Variants in DISC1 observed in about 807,000 individuals in gnomAD.
The protein encoded by DISC1 is disrupted in schizophrenia 1 protein.
Under a neutral mutation model 84.5 loss-of-function variants are expected in DISC1, and 57 were observed. That is an observed-to-expected ratio of 0.67 (90% CI 0.55 to 0.84). DISC1 has a LOEUF of 0.84. DISC1 is among the 40% of genes least tolerant of loss of function. DISC1 has a pLI of 0.00. For missense variants in DISC1, 1,000 were observed against 1,057.8 expected (o/e 0.95, Z 0.76); for synonymous variants, 411 against 415.2 (o/e 0.99, Z 0.12).
intron 6 of DISC1, among the ~76,000 whole-genome samples, chr1:231,772,375 G>A (rs1178454443): frequency 6.6e-6 from 1 of 152,104 alleles, no homozygotes; most frequent in Non-Finnish European, 1.5e-5. Flanking sequence ...AGGACTGCAA[G>A]TGCTACGTGG....
chr1:231,772,911 G>T (rs2076664508), intron 6 of DISC1, among the ~76,000 whole-genome samples: 1 of 152,156 alleles, frequency 6.6e-6, no homozygotes, highest in African/African-American at 2.4e-5. Flanking sequence ...AGGGGGAAGA[G>T]ATTTGGATTG....
chr1:231,958,847 T>C lies in DISC1; in HGVS notation c.2001T>C (p.Asn667=). ...CCCCAGAAACAAGTGTGAAGGAAAA[T>C]ACTATGAAGTACATGGAAACACTTA... ...ETAYETSVKE[N]TMKYMETLKN... The change falls in exon 10 of 13, where the codon AAT becomes AAC. Residue 667 remains asparagine, a synonymous_variant. Coordinates refer to ENST00000439617, the MANE Select transcript of DISC1 (RefSeq NM_018662.3). 1.2e-6 allele frequency: 2 copies of C among 1,613,728 alleles called. No individual in the cohort carries two copies. Among genetic ancestry groups the C allele is most frequent in the Non-Finnish European group, 1.7e-6 (2 of 1,179,822 alleles).
At chr1:231,860,086 G>C (rs2084541894) in intron 9 of DISC1, among the ~76,000 whole-genome samples, 1 of 152,138 alleles carries the variant, frequency 6.6e-6, no homozygotes, top group African/African-American at 2.4e-5. Flanking sequence ...AATCAAGGGT[G>C]AAAAACTGAG....
chr1:231,930,354 T>C (rs1014030739), intron 9 of DISC1, among the ~76,000 whole-genome samples: 1 of 152,130 alleles, frequency 6.6e-6, no homozygotes, highest in African/African-American at 2.4e-5. Flanking sequence ...CACCCTAACA[T>C]TTCCTGTGCA....
intron 1 of DISC1, among the ~76,000 whole-genome samples, chr1:231,681,103 G>A (rs189055239): frequency 3.9e-5 from 6 of 152,194 alleles, no homozygotes; most frequent in African/African-American, 1.4e-4. Context: ...CACCCTTGAG[G>A]GGGGCTCAGA....
At chr1:231,649,771 T>A (rs560383098) in intron 1 of DISC1, among the ~76,000 whole-genome samples, 1 of 152,340 alleles carries the variant, frequency 6.6e-6, no homozygotes, top group South Asian at 2.1e-4. Context: ...TTTAGGATAG[T>A]TAGCTCTTCT....
chr1:231,766,272 G>A (rs921146013), intron 4 of DISC1, among the ~76,000 whole-genome samples: 2 of 130,140 alleles, frequency 1.5e-5, no homozygotes, highest in Non-Finnish European at 3.2e-5. Context: ...CCTGGGTGTC[G>A]CAGTAAGACA....
At chr1:231,753,885 G>A (rs1028552440) in intron 4 of DISC1, among the ~76,000 whole-genome samples, 50 of 152,134 alleles carry the variant, frequency 3.3e-4, no homozygotes, top group African/African-American at 1.2e-3. Context: ...TTAATCTCAA[G>A]TTCAAAGATC....
chr1:231,948,252 A>G (rs1327881963), intron 9 of DISC1, among the ~76,000 whole-genome samples: 1 of 152,240 alleles, frequency 6.6e-6, no homozygotes, highest in Admixed American at 6.5e-5. Flanking sequence ...TGGCACATAT[A>G]CACCATGGAA....
intron 9 of DISC1, chr1:231,818,810 G>A (rs2081278902): frequency 1.7e-6 from 2 of 1,201,086 alleles, no homozygotes; most frequent in Non-Finnish European, 1.0e-6. Flanking sequence ...CCTTGGCAAG[G>A]TCTTGAGCAT....
chr1:231,893,560 G>A (rs973929571), intron 9 of DISC1, among the ~76,000 whole-genome samples: 17 of 152,292 alleles, frequency 1.1e-4, no homozygotes, highest in East Asian at 3.9e-4. Context: ...GGACTTGTGC[G>A]TCATCTTGTG....
At chr1:231,708,576 A>G (rs1218326870) in intron 3 of DISC1, among the ~76,000 whole-genome samples, 1 of 152,158 alleles carries the variant, frequency 6.6e-6, no homozygotes, top group African/African-American at 2.4e-5. Context: ...TCGTTGCCTG[A>G]TTACATCACG....
chr1:231,989,884 G>A (rs1027720762), intron 10 of DISC1, among the ~76,000 whole-genome samples: 1 of 152,180 alleles, frequency 6.6e-6, no homozygotes, highest in Non-Finnish European at 1.5e-5. Context: ...CTTACCTAAC[G>A]CTGTGCGACT....
chr1:231,827,106 G>A (rs2081908918), intron 9 of DISC1, among the ~76,000 whole-genome samples: 1 of 152,060 alleles, frequency 6.6e-6, no homozygotes, highest in Middle Eastern at 3.2e-3. Flanking sequence ...CTTTGCCTCA[G>A]CCTCCCGAAT....
At chr1:231,868,736 T>TATATATATATATATATATATATA (rs2085246169) in intron 9 of DISC1, among the ~76,000 whole-genome samples, 1 of 108,270 alleles carries the variant, frequency 9.2e-6, no homozygotes. Context: ...ATATATATAT[T>TATATATATATATATATATATATA]TAGCTGGGCA....
Position 231,626,800 on chromosome 1 carries a change from C to T in DISC1, c.-68C>T, listed in dbSNP as rs960797870. On this transcript the variant is annotated 5_prime_UTR_variant, in exon 1 of 13. Coordinates refer to ENST00000439617, the MANE Select transcript of DISC1 (RefSeq NM_018662.3). ...GTCCAGCGCGCTGCTCCCTTCCCCCCGCCTCTGGCCTCGGGGAAGGAGCAG... is the reference window on the plus strand; with the variant it reads ...GTCCAGCGCGCTGCTCCCTTCCCCCTGCCTCTGGCCTCGGGGAAGGAGCAG... 4 of 1,208,026 alleles carry T rather than the reference C, an allele frequency of 3.3e-6. No homozygotes were observed. The highest frequency in any genetic ancestry group is 3.8e-5 in the Admixed American group (1 of 26,536). The allele number at this position is 1,208,026 out of a possible 1,614,324, so 74.8% of individuals were successfully genotyped here. A position where few individuals can be genotyped will look rare whatever the true frequency, so the allele number is the denominator to read the frequency against.
Position 232,039,569 on chromosome 1 carries a change from G to T in DISC1, c.*2738G>T, listed in dbSNP as rs2103077119. ...TTGGTCTTAGAGTATCATTCAGAAA[G>T]TCCGCTAAGGGCCAGCGTGCTTCTT... On this transcript the variant is annotated 3_prime_UTR_variant, in exon 13 of 13. Coordinates refer to ENST00000439617, the MANE Select transcript of DISC1 (RefSeq NM_018662.3). 1 of 152,078 alleles carries T rather than the reference G, an allele frequency of 6.6e-6. No individual in the cohort carries two copies. The highest frequency in any genetic ancestry group is 1.5e-5 in the Non-Finnish European group (1 of 68,012). The allele number at this position is 152,078 out of a possible 1,614,324, so 9.4% of individuals were successfully genotyped here.
intron 5 of DISC1, among the ~76,000 whole-genome samples, chr1:231,770,057 G>A (rs192739080): frequency 5.9e-5 from 9 of 152,222 alleles, no homozygotes; most frequent in Admixed American, 1.3e-4. Flanking sequence ...TAAGAGGTTA[G>A]GAGACACCCA....
At chr1:231,734,351 A>G (rs1026112875) in intron 3 of DISC1, among the ~76,000 whole-genome samples, 14 of 152,196 alleles carry the variant, frequency 9.2e-5, no homozygotes, top group African/African-American at 2.9e-4. Context: ...TGGTGGGGCA[A>G]TGAGTATTTT....
Sources: allele counts gnomAD v4.1 joint callset (sites outside exome capture counted in the v4.1 genomes callset), GRCh38; gene constraint gnomAD v4.1.1; transcripts MANE v1.5; gene names NCBI Gene and HGNC (gene_info 2026-07-23, HGNC 2026-07-21).